The following FOXP1 variants were observed in gnomAD, a reference collection of about 807,000 sequenced individuals.
The protein encoded by FOXP1 is forkhead box protein P1.
In FOXP1, 15 loss-of-function variants were observed where a neutral mutation model predicts 98.2. The ratio of observed to expected loss-of-function variants is 0.15; its 90% CI spans 0.10 to 0.24. The LOEUF (loss-of-function observed/expected upper bound fraction) is 0.24. Among genes scored for constraint, FOXP1 ranks in the 10% least tolerant of loss-of-function variants. The pLI, the probability that FOXP1 is intolerant of heterozygous loss-of-function variation, is 1.00. For missense variants in FOXP1, 633 were observed against 848.5 expected, an observed-to-expected ratio of 0.75 and a Z score of 3.15; for synonymous variants, 371 against 314.5, an observed-to-expected ratio of 1.18 and a Z score of -1.90.
intron 18 of FOXP1, chr3:70,971,893 C>T (rs757297790): frequency 1.9e-4 from 134 of 713,504 alleles, no homozygotes; most frequent in Non-Finnish European, 2.1e-4. Flanking sequence ...AATTTAGTTT[C>T]GTTGCAGAAA....
chr3:71,164,114 T>C (rs1038406287), intron 6 of FOXP1, among the ~76,000 whole-genome samples: 4 of 152,196 alleles, frequency 2.6e-5, no homozygotes, highest in African/African-American at 9.6e-5. Flanking sequence ...GCCTATATAA[T>C]CAGATGGTTT....
intron 6 of FOXP1, among the ~76,000 whole-genome samples, chr3:71,163,253 T>C (rs1301071070): frequency 1.3e-5 from 2 of 152,182 alleles, no homozygotes; most frequent in Admixed American, 6.5e-5. Flanking sequence ...GATTTATAGG[T>C]GAAATTAATG....
At chr3:71,262,383 C>G (rs1576644783) in intron 5 of FOXP1, among the ~76,000 whole-genome samples, 1 of 146,374 alleles carries the variant, frequency 6.8e-6, no homozygotes, top group East Asian at 2.1e-4. Context: ...CCATGACTAT[C>G]AAAGCTAGGA....
rs373349025 is a variant in FOXP1 at position 70,958,011 on chromosome 3, C to CAAACA, written c.*1231_*1235dup. On this transcript the variant is annotated 3_prime_UTR_variant, in exon 21 of 21. Coordinates refer to ENST00000649528, the MANE Select transcript of FOXP1 (RefSeq NM_001349338.3). ...CCGGTTTTTTTTTTTGGCCATTTTG[C>CAAACA]AAACAAAACCAACCCACACCCGTTA... 2.4e-4 allele frequency: 58 copies of CAAACA among 237,454 alleles called. No individual in the cohort carries two copies. The highest frequency in any genetic ancestry group is 1.3e-3 in the Middle Eastern group (1 of 792). The allele number at this position is 237,454 out of a possible 1,614,324, so 14.7% of individuals were successfully genotyped here. A position where few individuals can be genotyped will look rare whatever the true frequency, so the allele number is the denominator to read the frequency against.
chr3:71,062,154 A>C (rs960202796), intron 7 of FOXP1, among the ~76,000 whole-genome samples: 5 of 152,292 alleles, frequency 3.3e-5, no homozygotes, highest in Middle Eastern at 3.4e-3. Flanking sequence ...CAAACAACAA[A>C]AAAAAATTCA....
chr3:71,118,203 A>C (rs1040276099), intron 6 of FOXP1, among the ~76,000 whole-genome samples: 5 of 152,120 alleles, frequency 3.3e-5, no homozygotes, highest in African/African-American at 1.2e-4. Context: ...TGGAACCTGG[A>C]CATTTTTGAC....
At chr3:71,022,632 A>G (rs972035081) in intron 11 of FOXP1, among the ~76,000 whole-genome samples, 1 of 152,168 alleles carries the variant, frequency 6.6e-6, no homozygotes, top group Non-Finnish European at 1.5e-5. Context: ...CTATTTCCCT[A>G]TAGGAATGGT....
intron 3 of FOXP1, among the ~76,000 whole-genome samples, chr3:71,366,277 T>G (rs1577153081): frequency 6.6e-6 from 1 of 152,172 alleles, no homozygotes; most frequent in East Asian, 1.9e-4. Context: ...ATGGGTAAAT[T>G]TTATGAATCT....
At chr3:71,251,994 C>T (rs1265862963) in intron 5 of FOXP1, among the ~76,000 whole-genome samples, 1 of 152,162 alleles carries the variant, frequency 6.6e-6, no homozygotes, top group Non-Finnish European at 1.5e-5. Context: ...GCTCCCCCTT[C>T]CCAGCTTTCT....
intron 4 of FOXP1, among the ~76,000 whole-genome samples, chr3:71,358,222 G>C (rs187954870): frequency 6.6e-6 from 1 of 152,174 alleles, no homozygotes; most frequent in Non-Finnish European, 1.5e-5. Flanking sequence ...AAATTTAATC[G>C]TTCTTCATTG....
At chr3:71,235,871 TTC>T (rs2066727077) in intron 5 of FOXP1, among the ~76,000 whole-genome samples, 1 of 152,152 alleles carries the variant, frequency 6.6e-6, no homozygotes, top group Admixed American at 6.5e-5. Flanking sequence ...CGGCTAATAT[TTC>T]TCTCTTTAAG....
intron 4 of FOXP1, among the ~76,000 whole-genome samples, chr3:71,351,433 T>C (rs2077773058): frequency 6.6e-6 from 1 of 152,244 alleles, no homozygotes; most frequent in African/African-American, 2.4e-5. Flanking sequence ...TCAAACCTTT[T>C]AAGTCAAAAT....
At chr3:70,988,851 T>C (rs1048366510) in intron 13 of FOXP1, among the ~76,000 whole-genome samples, 2 of 152,090 alleles carry the variant, frequency 1.3e-5, no homozygotes, top group African/African-American at 2.4e-5. Flanking sequence ...AGGGGACACA[T>C]AACGATTACT....
chr3:71,336,136 T>C (rs1653954), intron 4 of FOXP1, among the ~76,000 whole-genome samples: 140,372 of 151,774 alleles, frequency 0.92, 65,880 homozygotes, highest in East Asian at 1. Context: ...GAGGAGCGAA[T>C]GCAAAGAAGT....
At chr3:71,082,461 C>T (rs1315203840) in intron 7 of FOXP1, among the ~76,000 whole-genome samples, 2 of 148,532 alleles carry the variant, frequency 1.3e-5, no homozygotes, top group Non-Finnish European at 3.0e-5. Context: ...GAACATCACA[C>T]ACCGGGGCCT....
In FOXP1 at chr3:71,359,237, G is replaced by C. The variant is rs949883446; in HGVS notation, c.-160C>G. On this transcript the variant is annotated 5_prime_UTR_variant, in exon 4 of 21. Coordinates refer to ENST00000649528, the MANE Select transcript of FOXP1 (RefSeq NM_001349338.3). ...TAATGCCACAGGACTGCAACACACA[G>C]AGGGAAGCTGAAAGCAAAAAGAAAA... 1 of 152,220 alleles carries C rather than the reference G, an allele frequency of 6.6e-6. No individual in the cohort carries two copies. Among genetic ancestry groups the C allele is most frequent in the African/African-American group, 2.4e-5 (1 of 41,446 alleles). The allele number at this position is 152,220 out of a possible 1,614,324, so 9.4% of individuals were successfully genotyped here. A position where few individuals can be genotyped will look rare whatever the true frequency, so the allele number is the denominator to read the frequency against.
intron 6 of FOXP1, among the ~76,000 whole-genome samples, chr3:71,150,151 C>T (rs746223521): frequency 6.6e-6 from 1 of 152,198 alleles, no homozygotes; most frequent in Non-Finnish European, 1.5e-5. Flanking sequence ...TCTCCCCACC[C>T]AATTTCCAAA....
chr3:71,071,372 G>A (rs545905153), intron 7 of FOXP1, among the ~76,000 whole-genome samples: 9 of 152,220 alleles, frequency 5.9e-5, no homozygotes, highest in Middle Eastern at 3.4e-3. Flanking sequence ...CCGCTGAAGC[G>A]GTCAGCACAT....
chr3:71,048,350 A>T (rs539709591), intron 9 of FOXP1, among the ~76,000 whole-genome samples: 1 of 152,202 alleles, frequency 6.6e-6, no homozygotes. Flanking sequence ...ATAAAATGGT[A>T]TGTATATCAA....
Sources: allele counts gnomAD v4.1 joint callset (sites outside exome capture counted in the v4.1 genomes callset), GRCh38; gene constraint gnomAD v4.1.1; transcripts MANE v1.5; gene names NCBI Gene and HGNC (gene_info 2026-07-23, HGNC 2026-07-21).